LRRC8C: variants seen among roughly 807,000 people sequenced by gnomAD.
LRRC8C encodes leucine rich repeat containing 8 VRAC subunit C, also known as volume-regulated anion channel subunit LRRC8C.
A neutral mutation model predicts 55.3 loss-of-function variants in LRRC8C; 20 were observed. The ratio of observed to expected loss-of-function variants is 0.36; its 90% confidence interval spans 0.25 to 0.53. LRRC8C has a LOEUF of 0.53. LRRC8C is among the 20% of genes least tolerant of loss of function. The pLI, the probability that LRRC8C is intolerant of heterozygous loss-of-function variation, is 0.92. For missense variants in LRRC8C, 659 were observed against 951.4 expected, an observed-to-expected ratio of 0.69 and a Z score of 4.04; for synonymous variants, 376 against 360.7, an observed-to-expected ratio of 1.04 and a Z score of -0.48.
intron 1 of LRRC8C, among the ~76,000 whole-genome samples, chr1:89,663,015 C>T (rs1324292960): frequency 1.3e-5 from 2 of 152,054 alleles, no homozygotes; most frequent in African/African-American, 2.4e-5. Flanking sequence ...ATGTTCCCCT[C>T]CCTGTGTCCA....
At chr1:89,645,784 C>G (rs1656594164) in intron 1 of LRRC8C, among the ~76,000 whole-genome samples, 1 of 151,858 alleles carries the variant, frequency 6.6e-6, no homozygotes, top group African/African-American at 2.4e-5. Flanking sequence ...TTTAGAAGAG[C>G]CTCAAATATT....
At chr1:89,676,086 T>C (rs1474595820) in intron 1 of LRRC8C, 1 of 152,246 alleles carries the variant, frequency 6.6e-6, no homozygotes, top group Non-Finnish European at 1.5e-5. Context: ...TACATATAGC[T>C]GAAACTATTT....
chr1:89,651,058 A>G (rs1327641276), intron 1 of LRRC8C, among the ~76,000 whole-genome samples: 1 of 152,216 alleles, frequency 6.6e-6, no homozygotes, highest in Non-Finnish European at 1.5e-5. Flanking sequence ...GTGGGTAACA[A>G]TAGCATATAT....
intron 1 of LRRC8C, among the ~76,000 whole-genome samples, chr1:89,649,719 G>C (rs1656706335): frequency 6.6e-6 from 1 of 152,126 alleles, no homozygotes; most frequent in African/African-American, 2.4e-5. Flanking sequence ...CCTTTGCCCA[G>C]GGTGGTGGAG....
chr1:89,616,738 A>G, the LRRC8C span, among the ~76,000 whole-genome samples: 2 of 152,154 alleles, frequency 1.3e-5, no homozygotes, highest in Non-Finnish European at 2.9e-5. Flanking sequence ...AGTAAAGGAG[A>G]GCATAAAGTT....
chr1:89,641,670 T>C (rs927756095), intron 1 of LRRC8C, among the ~76,000 whole-genome samples: 1 of 152,196 alleles, frequency 6.6e-6, no homozygotes, highest in African/African-American at 2.4e-5. Context: ...TGTTACCTAC[T>C]CATTAACTTT....
intron 1 of LRRC8C, among the ~76,000 whole-genome samples, chr1:89,668,981 A>C (rs72712572): frequency 0.011 from 1,655 of 152,302 alleles, 10 homozygotes; most frequent in Non-Finnish European, 0.019. Flanking sequence ...AACACCGATA[A>C]ATTCTTATTC....
intron 1 of LRRC8C, among the ~76,000 whole-genome samples, chr1:89,683,883 G>A (rs949632453): frequency 3.9e-5 from 6 of 151,972 alleles, no homozygotes; most frequent in African/African-American, 1.2e-4. Context: ...GAAATTTCAG[G>A]CAAAACAACA....
intron 1 of LRRC8C, among the ~76,000 whole-genome samples, chr1:89,674,251 T>C (rs1657495632): frequency 6.6e-6 from 1 of 152,200 alleles, no homozygotes; most frequent in South Asian, 2.1e-4. Flanking sequence ...ACAATGTAGA[T>C]TTGAGAGACC....
At chr1:89,642,836 G>T (rs2101182836) in intron 1 of LRRC8C, among the ~76,000 whole-genome samples, 1 of 131,900 alleles carries the variant, frequency 7.6e-6, no homozygotes, top group Non-Finnish European at 1.6e-5. Flanking sequence ...GACAGAGCAA[G>T]ACTCCATCTC....
At chr1:89,676,169 C>G (rs1657543080) in intron 1 of LRRC8C, 2 of 152,046 alleles carry the variant, frequency 1.3e-5, no homozygotes, top group Admixed American at 1.3e-4. Context: ...TATTCCAAAC[C>G]ATTATTTTGT....
intron 1 of LRRC8C, among the ~76,000 whole-genome samples, chr1:89,676,542 G>C (rs1308108315): frequency 2.0e-5 from 3 of 152,276 alleles, no homozygotes; most frequent in African/African-American, 7.2e-5. Context: ...CGTAATGAAA[G>C]AGTTGGTCCT....
intron 1 of LRRC8C, chr1:89,661,343 G>A: frequency 2.9e-6 from 1 of 347,964 alleles, no homozygotes; most frequent in Non-Finnish European, 5.7e-6. Context: ...CATCTGGATT[G>A]AACAATGCCA....
chr1:89,623,243 T>C, the LRRC8C span, among the ~76,000 whole-genome samples: 1 of 152,186 alleles, frequency 6.6e-6, no homozygotes, highest in Non-Finnish European at 1.5e-5. Context: ...TGAGAATTGA[T>C]TTTTAAATAA....
intron 1 of LRRC8C, among the ~76,000 whole-genome samples, chr1:89,636,535 A>G (rs1374192225): frequency 1.3e-5 from 2 of 152,082 alleles, no homozygotes; most frequent in African/African-American, 4.8e-5. Context: ...TTTGGCAAAC[A>G]TACTTTCCTT....
chr1:89,706,583 G>C (rs547367293), intron 2 of LRRC8C, among the ~76,000 whole-genome samples: 1 of 152,092 alleles, frequency 6.6e-6, no homozygotes, highest in Non-Finnish European at 1.5e-5. Flanking sequence ...CGAATTTCAC[G>C]TTGACCATTC....
chr1:89,673,615 T>C (rs1253629973), intron 1 of LRRC8C, among the ~76,000 whole-genome samples: 1 of 152,260 alleles, frequency 6.6e-6, no homozygotes, highest in African/African-American at 2.4e-5. Flanking sequence ...TCCAAGATAT[T>C]ACACTTAGAC....
chr1:89,632,921 G>C (rs1264842698), upstream of LRRC8C: 1 of 152,372 alleles, frequency 6.6e-6, no homozygotes, highest in Non-Finnish European at 1.5e-5. Context: ...CTCTGCAGGG[G>C]AGGAAGTTCC....
chr1:89,650,496 TA>T (rs35562873), intron 1 of LRRC8C, among the ~76,000 whole-genome samples: 36 of 148,148 alleles, frequency 2.4e-4, no homozygotes, highest in African/African-American at 5.7e-4. Flanking sequence ...AATTAGGAAG[TA>T]AAAAAAAAAA....
Sources: gnomAD v4.1 joint callset for allele counts (sites outside exome capture counted in the v4.1 genomes callset) on GRCh38, gnomAD v4.1.1 for gene constraint, MANE v1.5 for transcripts, NCBI Gene and HGNC (gene_info 2026-07-23, HGNC 2026-07-21) for gene names.